PHF24: variants seen among roughly 807,000 people sequenced by gnomAD.
PHF24 encodes PHD finger protein 24.
A neutral mutation model predicts 42.6 loss-of-function variants in PHF24; 25 were observed. The ratio of observed to expected loss-of-function variants is 0.59; its 90% CI spans 0.43 to 0.82. The LOEUF is 0.82. Among genes scored for constraint, PHF24 ranks in the 40% least tolerant of loss-of-function variants. The pLI is 0.00. For missense variants in PHF24, 470 were observed against 538.1 expected, an observed-to-expected ratio of 0.87 and a Z score of 1.25; for synonymous variants, 185 against 204.8, an observed-to-expected ratio of 0.90 and a Z score of 0.83.
intron 3 of PHF24, among the ~76,000 whole-genome samples, chr9:34,972,918 A>AG (rs1314356007): frequency 6.6e-6 from 1 of 151,528 alleles, no homozygotes; most frequent in Non-Finnish European, 1.5e-5. Flanking sequence ...GTCTCGAAAA[A>AG]AAAAAAAAAA....
chr9:34,723,337 T>C, the PHF24 span: 1 of 1,551,698 alleles, frequency 6.4e-7, no homozygotes, highest in Middle Eastern at 1.7e-4. Flanking sequence ...GTCTGGAGTG[T>C]AGCCGGAGCT....
chr9:34,957,641 C>T (rs1259094703), upstream of PHF24: 7 of 152,256 alleles, frequency 4.6e-5, no homozygotes, highest in African/African-American at 1.7e-4. Context: ...CTGGGCCAGC[C>T]GAGGATTATG....
chr9:34,738,132 T>C, the PHF24 span, among the ~76,000 whole-genome samples: 1 of 152,062 alleles, frequency 6.6e-6, no homozygotes, highest in Admixed American at 6.6e-5. Flanking sequence ...TGTGAATAAG[T>C]GAGTCTTTAG....
chr9:34,825,092 G>T, the PHF24 span, among the ~76,000 whole-genome samples: 1 of 152,014 alleles, frequency 6.6e-6, no homozygotes, highest in Non-Finnish European at 1.5e-5. Flanking sequence ...TTTCTAACTG[G>T]GGAACCAGGA....
upstream of PHF24, among the ~76,000 whole-genome samples, chr9:34,957,280 A>G (rs146286121): frequency 2.6e-3 from 392 of 152,370 alleles, 4 homozygotes; most frequent in African/African-American, 7.4e-3. Flanking sequence ...GACATGCATT[A>G]TATTTGAGGT....
the PHF24 span, among the ~76,000 whole-genome samples, chr9:34,937,163 T>C: frequency 6.6e-6 from 1 of 152,058 alleles, no homozygotes; most frequent in East Asian, 1.9e-4. Context: ...CAACAGCTCA[T>C]TGAGAACGGG....
the PHF24 span, among the ~76,000 whole-genome samples, chr9:34,825,201 G>A: frequency 1.7e-3 from 254 of 152,074 alleles, no homozygotes; most frequent in African/African-American, 5.2e-3. Flanking sequence ...CTGAGAGTCA[G>A]GACCCTTCAA....
the PHF24 span, chr9:34,835,598 C>T: frequency 1.9e-6 from 3 of 1,551,692 alleles, no homozygotes; most frequent in African/African-American, 2.7e-5. Flanking sequence ...CTCATCTCCT[C>T]CTGGTTCAGT....
the PHF24 span, among the ~76,000 whole-genome samples, chr9:34,811,066 A>T: frequency 6.6e-6 from 1 of 152,346 alleles, no homozygotes; most frequent in South Asian, 2.1e-4. Flanking sequence ...GCACTATACT[A>T]GGTATGTTTA....
the PHF24 span, chr9:34,917,226 A>G: frequency 2.2e-6 from 3 of 1,381,596 alleles, no homozygotes; most frequent in Non-Finnish European, 3.1e-6. Context: ...GCAGGTGTAC[A>G]TATCCCTGCC....
At chr9:34,832,982 T>A in the PHF24 span, 8 of 1,551,520 alleles carry the variant, frequency 5.2e-6, no homozygotes, top group Non-Finnish European at 7.0e-6. Context: ...TTGACAGGGA[T>A]CAGCAAGATG....
chr9:34,781,404 A>G, the PHF24 span, among the ~76,000 whole-genome samples: 1 of 152,242 alleles, frequency 6.6e-6, no homozygotes, highest in African/African-American at 2.4e-5. Flanking sequence ...AGGCAAATTC[A>G]TAGAGACAGA....
At chr9:34,691,214 G>T in the PHF24 span, 2 of 1,349,500 alleles carry the variant, frequency 1.5e-6, no homozygotes, top group African/African-American at 1.4e-5. Context: ...ATCTGTGTGA[G>T]GCTGCAGGGC....
the PHF24 span, among the ~76,000 whole-genome samples, chr9:34,768,267 T>C: frequency 2.4e-4 from 36 of 152,308 alleles, no homozygotes; most frequent in African/African-American, 8.7e-4. Flanking sequence ...GCAAGCTGTT[T>C]AAGAAGCTTG....
At chr9:34,685,321 C>A in the PHF24 span, among the ~76,000 whole-genome samples, 14 of 152,194 alleles carry the variant, frequency 9.2e-5, no homozygotes, top group African/African-American at 3.1e-4. Flanking sequence ...GTAGCCCAAT[C>A]CCCTTCTCTA....
At chr9:34,941,895 ACAGT>A in the PHF24 span, among the ~76,000 whole-genome samples, 1 of 152,310 alleles carries the variant, frequency 6.6e-6, no homozygotes, top group African/African-American at 2.4e-5. Flanking sequence ...AGGGACACAA[ACAGT>A]CAGACCATAG....
chr9:34,760,724 G>A, the PHF24 span, among the ~76,000 whole-genome samples: 1 of 152,242 alleles, frequency 6.6e-6, no homozygotes, highest in African/African-American at 2.4e-5. Flanking sequence ...AAACGCGGGG[G>A]CTCACGCCTG....
At chr9:34,937,960 C>CA in the PHF24 span, among the ~76,000 whole-genome samples, 2 of 152,256 alleles carry the variant, frequency 1.3e-5, no homozygotes, top group East Asian at 3.9e-4. Flanking sequence ...ACGTGAGAAT[C>CA]AGAGTGTTGA....
chr9:34,745,287 C>T, the PHF24 span, among the ~76,000 whole-genome samples: 2 of 152,114 alleles, frequency 1.3e-5, no homozygotes, highest in African/African-American at 2.4e-5. Context: ...CTATACTGGC[C>T]AAGCTTGGTG....
Sources: allele counts gnomAD v4.1 joint callset (sites outside exome capture counted in the v4.1 genomes callset), GRCh38; gene constraint gnomAD v4.1.1; transcripts MANE v1.5; gene names NCBI Gene and HGNC (gene_info 2026-07-23, HGNC 2026-07-21).